SCHIP1: variants seen among roughly 807,000 people sequenced by gnomAD.
The protein encoded by SCHIP1 is schwannomin-interacting protein 1.
Under a neutral mutation model 29.7 loss-of-function variants are expected in SCHIP1, and 8 were observed. The ratio of observed to expected loss-of-function variants is 0.27; its 90% CI spans 0.16 to 0.49. The LOEUF (loss-of-function observed/expected upper bound fraction) is 0.49. Ranked by LOEUF, SCHIP1 falls within the 20% of genes least tolerant of loss-of-function variation. SCHIP1 has a pLI of 0.99. For synonymous variants in SCHIP1, 76 were observed against 94.9 expected, an observed-to-expected ratio of 0.80 and a Z score of 1.16; for missense variants, 193 against 294.6, an observed-to-expected ratio of 0.66 and a Z score of 2.52.
the SCHIP1 span, among the ~76,000 whole-genome samples, chr3:159,626,035 G>T: frequency 1.3e-5 from 2 of 150,840 alleles, no homozygotes; most frequent in Non-Finnish European, 2.9e-5. Context: ...TACTAAACTT[G>T]TGGCACCTTC....
chr3:159,658,607 G>C, the SCHIP1 span, among the ~76,000 whole-genome samples: 3 of 152,064 alleles, frequency 2.0e-5, no homozygotes, highest in Admixed American at 6.6e-5. Context: ...GTTCTCATCT[G>C]TTTATACTCA....
At chr3:159,668,604 C>T in the SCHIP1 span, among the ~76,000 whole-genome samples, 2 of 152,124 alleles carry the variant, frequency 1.3e-5, no homozygotes, top group East Asian at 1.9e-4. Flanking sequence ...CAAGATCACA[C>T]GCTCTGCTGG....
the SCHIP1 span, among the ~76,000 whole-genome samples, chr3:159,429,226 A>G: frequency 5.1e-5 from 1 of 19,714 alleles, no homozygotes; most frequent in Non-Finnish European, 1.3e-4. Context: ...TGACATAAGA[A>G]AAAAAAAAAA....
At chr3:159,655,041 G>A in the SCHIP1 span, among the ~76,000 whole-genome samples, 1 of 152,126 alleles carries the variant, frequency 6.6e-6, no homozygotes, top group Admixed American at 6.5e-5. Context: ...ATTGAGCACA[G>A]TACAGTATAG....
At chr3:159,566,868 G>A in the SCHIP1 span, among the ~76,000 whole-genome samples, 1 of 152,164 alleles carries the variant, frequency 6.6e-6, no homozygotes, top group African/African-American at 2.4e-5. Context: ...GGCACTGCTG[G>A]GTTGTAAGAT....
the SCHIP1 span, among the ~76,000 whole-genome samples, chr3:159,624,631 G>A: frequency 1.4e-4 from 21 of 152,158 alleles, no homozygotes; most frequent in Non-Finnish European, 2.9e-4. Flanking sequence ...CTAAGGCCGT[G>A]GAGATTGGGG....
the SCHIP1 span, chr3:159,765,064 A>G: frequency 6.4e-7 from 1 of 1,564,104 alleles, no homozygotes; most frequent in Non-Finnish European, 8.7e-7. Context: ...GGCGCTGGAG[A>G]AGCATCTGGC....
chr3:159,467,229 A>C, the SCHIP1 span, among the ~76,000 whole-genome samples: 1 of 152,230 alleles, frequency 6.6e-6, no homozygotes, highest in Non-Finnish European at 1.5e-5. Flanking sequence ...TGAGTATATC[A>C]CATTTGATTG....
chr3:159,511,720 A>T, the SCHIP1 span, among the ~76,000 whole-genome samples: 1 of 152,240 alleles, frequency 6.6e-6, no homozygotes, highest in Non-Finnish European at 1.5e-5. Flanking sequence ...ATGTGGACAT[A>T]GCATTTGACA....
intron 2 of SCHIP1, among the ~76,000 whole-genome samples, 162 bp from the exon 4 acceptor site, chr3:159,886,045 T>C (rs752550791): frequency 9.0e-4 from 137 of 152,264 alleles, no homozygotes; most frequent in Non-Finnish European, 1.7e-3. Context: ...GAAAATCCTC[T>C]ACTAAGAGTT....
chr3:159,854,380 A>G (rs1463515), intron 1 of SCHIP1, among the ~76,000 whole-genome samples: 117,011 of 151,992 alleles, frequency 0.77, 46,142 homozygotes, highest in East Asian at 0.99. Flanking sequence ...ATATACATAT[A>G]TGTGTGTGTG....
At chr3:159,704,201 A>G in the SCHIP1 span, among the ~76,000 whole-genome samples, 1 of 152,002 alleles carries the variant, frequency 6.6e-6, no homozygotes, top group African/African-American at 2.4e-5. Flanking sequence ...TTGGGAGGCC[A>G]AGGCGGATGG....
chr3:159,769,039 G>T, the SCHIP1 span, among the ~76,000 whole-genome samples: 2 of 152,196 alleles, frequency 1.3e-5, no homozygotes, highest in African/African-American at 4.8e-5. Flanking sequence ...GTAAAGAAAG[G>T]TTCTGGGGTT....
At chr3:159,287,787 G>A in the SCHIP1 span, among the ~76,000 whole-genome samples, 1 of 152,162 alleles carries the variant, frequency 6.6e-6, no homozygotes, top group African/African-American at 2.4e-5. Context: ...GGCAAGTGAA[G>A]CTAAAAGGCA....
chr3:159,309,865 A>G, the SCHIP1 span, among the ~76,000 whole-genome samples: 1 of 152,200 alleles, frequency 6.6e-6, no homozygotes. Context: ...TGAGTGTTTA[A>G]TATATCTGAA....
At chr3:159,450,370 G>A in the SCHIP1 span, among the ~76,000 whole-genome samples, 15 of 152,168 alleles carry the variant, frequency 9.9e-5, no homozygotes, top group Admixed American at 5.2e-4. Context: ...TTGGAATTGC[G>A]TGTTACATTG....
the SCHIP1 span, among the ~76,000 whole-genome samples, chr3:159,751,857 A>T: frequency 6.2e-3 from 947 of 152,226 alleles, 4 homozygotes; most frequent in African/African-American, 0.022. Context: ...CTCAAATCTC[A>T]TGTTGAATTG....
the SCHIP1 span, among the ~76,000 whole-genome samples, chr3:159,411,722 T>A: frequency 2.0e-5 from 3 of 152,210 alleles, no homozygotes; most frequent in African/African-American, 7.2e-5. Context: ...CTTTCATAGC[T>A]TGGCACTGAG....
chr3:159,739,200 A>G, the SCHIP1 span, among the ~76,000 whole-genome samples: 1 of 152,226 alleles, frequency 6.6e-6, no homozygotes, highest in Non-Finnish European at 1.5e-5. Context: ...CCTGGAAAAA[A>G]TGTCTGTATT....
Sources: allele counts gnomAD v4.1 joint callset (sites outside exome capture counted in the v4.1 genomes callset), GRCh38; gene constraint gnomAD v4.1.1; transcripts MANE v1.5; gene names NCBI Gene and HGNC (gene_info 2026-07-23, HGNC 2026-07-21).